SPIN1: variants seen among roughly 807,000 people sequenced by gnomAD.
The protein encoded by SPIN1 is spindlin-1.
Under a neutral mutation model 26.0 loss-of-function variants are expected in SPIN1, and 3 were observed. The observed-to-expected ratio is 0.12, with a 90% CI of 0.05 to 0.30. SPIN1 has a LOEUF of 0.30. SPIN1 is among the 10% of genes least tolerant of loss of function. The pLI is 1.00. For synonymous variants in SPIN1, 101 were observed against 116.5 expected (o/e 0.87, Z 0.86); for missense variants, 126 against 333.4 (o/e 0.38, Z 4.84).
chr9:88,404,888 C>T (rs1827262210), intron 1 of SPIN1, among the ~76,000 whole-genome samples: 1 of 150,500 alleles, frequency 6.6e-6, no homozygotes, highest in Non-Finnish European at 1.5e-5. Flanking sequence ...TGCACTCCAG[C>T]CTGGGGGCAA....
intron 1 of SPIN1, among the ~76,000 whole-genome samples, chr9:88,404,359 A>AC (rs1827251310): frequency 6.6e-6 from 1 of 152,050 alleles, no homozygotes; most frequent in Admixed American, 6.6e-5. Flanking sequence ...CTCTCCCCTA[A>AC]CCCCCAATTC....
intron 4 of SPIN1, among the ~76,000 whole-genome samples, chr9:88,462,951 A>G (rs1238405059): frequency 2.6e-5 from 4 of 152,082 alleles, no homozygotes; most frequent in Non-Finnish European, 5.9e-5. Flanking sequence ...AGAGATGTGT[A>G]TTTTCCCCCC....
chr9:88,389,169 G>T (rs1826861512), intron 1 of SPIN1, among the ~76,000 whole-genome samples: 1 of 152,116 alleles, frequency 6.6e-6, no homozygotes, highest in Admixed American at 6.5e-5. Flanking sequence ...GCCAGTCCTC[G>T]CGCCCGCGCA....
At chr9:88,410,171 G>GTGTGTGTGTGTA (rs1827407616) in intron 1 of SPIN1, among the ~76,000 whole-genome samples, 1 of 139,542 alleles carries the variant, frequency 7.2e-6, no homozygotes, top group African/African-American at 3.2e-5. Context: ...TAGTGTGTGT[G>GTGTGTGTGTGTA]TGTGTGTGTG....
At chr9:88,450,994 A>G (rs1271055911) in intron 3 of SPIN1, among the ~76,000 whole-genome samples, 1 of 152,146 alleles carries the variant, frequency 6.6e-6, no homozygotes, top group Non-Finnish European at 1.5e-5. Flanking sequence ...AAGTTCCTTA[A>G]TGTATCTAAG....
At chr9:88,395,215 T>C (rs1827028215) in intron 1 of SPIN1, among the ~76,000 whole-genome samples, 1 of 152,092 alleles carries the variant, frequency 6.6e-6, no homozygotes, top group Non-Finnish European at 1.5e-5. Flanking sequence ...TTAATTCTGT[T>C]CCTCCACGAA....
chr9:88,463,934 A>G (rs1447235812), intron 4 of SPIN1, among the ~76,000 whole-genome samples: 2 of 152,188 alleles, frequency 1.3e-5, no homozygotes, highest in Non-Finnish European at 2.9e-5. Context: ...AAATCTTAAC[A>G]GCAGAATTTT....
intron 1 of SPIN1, among the ~76,000 whole-genome samples, chr9:88,411,662 C>T (rs1335218333): frequency 6.6e-6 from 1 of 151,916 alleles, no homozygotes; most frequent in Non-Finnish European, 1.5e-5. Flanking sequence ...TACAGGTATG[C>T]ATCGGCATGC....
chr9:88,410,439 T>C (rs865953085), intron 1 of SPIN1: 6 of 645,550 alleles, frequency 9.3e-6, no homozygotes, highest in African/African-American at 5.4e-5. Context: ...CTGCCACCAC[T>C]GTGCTTGGCT....
intron 4 of SPIN1, among the ~76,000 whole-genome samples, chr9:88,467,862 A>C (rs1828702066): frequency 6.6e-6 from 1 of 151,888 alleles, no homozygotes; most frequent in Non-Finnish European, 1.5e-5. Context: ...AAAAAACAAA[A>C]AAAAAACCCT....
intron 2 of SPIN1, among the ~76,000 whole-genome samples, chr9:88,440,701 C>T (rs907469126): frequency 6.6e-6 from 1 of 151,790 alleles, no homozygotes; most frequent in Admixed American, 6.6e-5. Flanking sequence ...ACCTCAGCCT[C>T]CCCAGTAGCT....
intron 5 of SPIN1, among the ~76,000 whole-genome samples, chr9:88,470,446 A>G (rs1436752276): frequency 6.6e-6 from 1 of 152,138 alleles, no homozygotes; most frequent in African/African-American, 2.4e-5. Context: ...AGTGTATGAG[A>G]CTTCTGATTT....
At chr9:88,430,296 G>A (rs1373616424) in intron 2 of SPIN1, among the ~76,000 whole-genome samples, 1 of 152,132 alleles carries the variant, frequency 6.6e-6, no homozygotes, top group Non-Finnish European at 1.5e-5. Flanking sequence ...CGGCCTCCTG[G>A]GCATCTCTTT....
intron 1 of SPIN1, chr9:88,389,471 G>T (rs1826871773): frequency 6.6e-6 from 1 of 152,116 alleles, no homozygotes. Flanking sequence ...GTTTGTTTAT[G>T]GAATTGTTTT....
At chr9:88,457,587 A>G (rs368513397) in intron 3 of SPIN1, among the ~76,000 whole-genome samples, 1 of 152,272 alleles carries the variant, frequency 6.6e-6, no homozygotes. Context: ...TCAGAGGAAC[A>G]AGGATCAGAT....
intron 2 of SPIN1, among the ~76,000 whole-genome samples, chr9:88,438,366 T>TAG (rs1331591111): frequency 6.6e-6 from 1 of 152,184 alleles, no homozygotes; most frequent in Non-Finnish European, 1.5e-5. Context: ...TTCAGCCATC[T>TAG]CTCTGTTACT....
chr9:88,466,039 T>C (rs1362461729), intron 4 of SPIN1, among the ~76,000 whole-genome samples: 1 of 152,256 alleles, frequency 6.6e-6, no homozygotes, highest in East Asian at 1.9e-4. Context: ...TGCATTGATA[T>C]ATAGGTATTT....
chr9:88,453,000 G>A (rs1488822592), intron 3 of SPIN1, among the ~76,000 whole-genome samples: 1 of 152,174 alleles, frequency 6.6e-6, no homozygotes, highest in Non-Finnish European at 1.5e-5. Context: ...TAACATGTAT[G>A]ATGTCTGTAA....
At chr9:88,389,103 G>T (rs1372795715) in intron 1 of SPIN1, among the ~76,000 whole-genome samples, 1 of 152,106 alleles carries the variant, frequency 6.6e-6, no homozygotes, top group Non-Finnish European at 1.5e-5. Context: ...CCGGGGGATG[G>T]CCGCGGACCT....
Sources: gnomAD v4.1 joint callset for allele counts (sites outside exome capture counted in the v4.1 genomes callset) on GRCh38, gnomAD v4.1.1 for gene constraint, MANE v1.5 for transcripts, NCBI Gene and HGNC (gene_info 2026-07-23, HGNC 2026-07-21) for gene names.